The following SLC3A1 variants were observed in gnomAD, a reference collection of about 807,000 sequenced individuals.
SLC3A1 encodes solute carrier family 3 member 1, also known as amino acid transporter heavy chain SLC3A1.
Under a neutral mutation model 60.3 loss-of-function variants are expected in SLC3A1, and 78 were observed. That is an observed-to-expected ratio of 1.29 (90% CI 1.08 to 1.56). SLC3A1 has a LOEUF of 1.56. Among genes scored for constraint, SLC3A1 ranks in the 40% most tolerant of loss-of-function variants. The pLI is 0.00. For synonymous variants in SLC3A1, 392 were observed against 307.9 expected, an observed-to-expected ratio of 1.27 and a Z score of -2.86; for missense variants, 1,172 against 858.9, an observed-to-expected ratio of 1.36 and a Z score of -4.56.
intron 4 of SLC3A1, among the ~76,000 whole-genome samples, chr2:44,297,420 C>T (rs1558460642): frequency 6.6e-6 from 1 of 152,142 alleles, no homozygotes; most frequent in Non-Finnish European, 1.5e-5. Flanking sequence ...TCATGTTGTC[C>T]CATTCCCACC....
chr2:44,309,653 GC>G (rs1672245029), intron 7 of SLC3A1, among the ~76,000 whole-genome samples: 1 of 152,228 alleles, frequency 6.6e-6, no homozygotes, highest in Non-Finnish European at 1.5e-5. Context: ...AGGCTAGAGT[GC>G]AGTGGTATGA....
Position 44,300,110 on chromosome 2 carries a change from G to A in SLC3A1, c.1011+20G>A, listed in dbSNP as rs770576729. ...ATCCCGGTAAAGTTTTATTTTAAAC[G>A]TTTTTCTTTTGCCTTTTCTGAAAAT... On this transcript the variant is annotated intron_variant, in intron 5 of 9. Coordinates refer to ENST00000260649, the MANE Select transcript of SLC3A1 (RefSeq NM_000341.4). 2 of 1,612,924 alleles carry A rather than the reference G, an allele frequency of 1.2e-6. No individual in the cohort carries two copies. The highest frequency in any genetic ancestry group is 1.1e-5 in the South Asian group (1 of 91,048).
At position 44,286,105 on chromosome 2, in the gene SLC3A1, A is replaced by G; in HGVS notation, c.839A>G (p.Lys280Arg). Residue 280 changes from lysine to arginine, a missense_variant, in exon 4 of 10, where the codon AAA becomes AGA. Coordinates refer to ENST00000260649, the MANE Select transcript of SLC3A1 (RefSeq NM_000341.4). Reference sequence around the variant, plus strand: ...CAATGTTATTTTCATCAGTTTATGAAAGAGCAACCTGATTTAAATTTCCGC... The same window carrying G: ...CAATGTTATTTTCATCAGTTTATGAGAGAGCAACCTGATTTAAATTTCCGC... The part of the protein sequence containing the change: ...RNQCYFHQFM[K>R]EQPDLNFRNP... 6.2e-7 allele frequency: 1 copy of G among 1,614,082 alleles called. No homozygotes were observed.
intron 9 of SLC3A1, chr2:44,318,387 G>A: frequency 5.7e-6 from 1 of 176,502 alleles, no homozygotes; most frequent in Admixed American, 6.0e-5. Context: ...CACCTTGCCT[G>A]GCCTGCAAAA....
intron 9 of SLC3A1, chr2:44,317,717 A>G (rs1218366844): frequency 1.3e-5 from 2 of 152,444 alleles, no homozygotes; most frequent in Non-Finnish European, 2.9e-5. Context: ...AAATTTTCAA[A>G]GAATACTAGA....
chr2:44,303,391 A>G (rs1231009454), intron 6 of SLC3A1, among the ~76,000 whole-genome samples: 2 of 151,246 alleles, frequency 1.3e-5, no homozygotes, highest in African/African-American at 4.9e-5. Flanking sequence ...TTACAGGCGC[A>G]TATCACCACA....
intron 4 of SLC3A1, among the ~76,000 whole-genome samples, chr2:44,296,318 G>A (rs946942510): frequency 3.3e-5 from 5 of 152,144 alleles, no homozygotes; most frequent in Admixed American, 6.5e-5. Context: ...AAAATAATCC[G>A]GGAGACCTAG....
chr2:44,297,252 G>A (rs1001949691), intron 4 of SLC3A1, among the ~76,000 whole-genome samples: 4 of 152,204 alleles, frequency 2.6e-5, no homozygotes, highest in Non-Finnish European at 5.9e-5. Context: ...TTCCTTTGCA[G>A]AGCTTGTGAG....
At chr2:44,314,006 A>G (rs1239335502) in intron 9 of SLC3A1, 55 bp downstream of exon 9, 6 of 1,610,928 alleles carry the variant, frequency 3.7e-6, no homozygotes, top group East Asian at 4.5e-5. Flanking sequence ...ATGGGTTTCT[A>G]CTGAAAGTAC....
Position 44,308,037 on chromosome 2 carries a change from G to C in SLC3A1, c.1332+3699G>C, listed in dbSNP as rs1022893963. Among the ~76,000 whole-genome samples the C allele has an allele frequency of 3.3e-5, 5 of 152,174 alleles. No homozygotes were observed. In the South Asian group the frequency reaches 6.2e-4, roughly 19 times the overall value. On this transcript the variant is annotated intron_variant, in intron 7 of 9. Coordinates refer to ENST00000260649, the MANE Select transcript of SLC3A1 (RefSeq NM_000341.4). Reference sequence around the variant, plus strand: ...CATCTGAAATCCCAGCACTTTGGGAGGCTGAGGTGGGAGTTGAGCCCAGGA... The same window carrying C: ...CATCTGAAATCCCAGCACTTTGGGACGCTGAGGTGGGAGTTGAGCCCAGGA...
chr2:44,318,154 G>C (rs912417090), intron 9 of SLC3A1: 1 of 438,284 alleles, frequency 2.3e-6, no homozygotes, highest in Non-Finnish European at 4.6e-6. Context: ...GCAGTGGCGT[G>C]ATCTCGGCAC....
intron 9 of SLC3A1, among the ~76,000 whole-genome samples, chr2:44,317,125 C>G (rs9711933): frequency 0.026 from 3,938 of 152,182 alleles, 173 homozygotes; most frequent in African/African-American, 0.089. Flanking sequence ...TTGAGCTGTT[C>G]AGTAGCCATT....
intron 1 of SLC3A1, among the ~76,000 whole-genome samples, chr2:44,277,266 C>A (rs530668839): frequency 2.0e-5 from 3 of 151,982 alleles, no homozygotes; most frequent in East Asian, 3.9e-4. Flanking sequence ...CACCATCATG[C>A]CTGGCTAATT....
At chr2:44,319,322 C>G (rs895066564) in intron 9 of SLC3A1, 1 of 152,586 alleles carries the variant, frequency 6.6e-6, no homozygotes, top group African/African-American at 2.4e-5. Flanking sequence ...CATTATGTAT[C>G]AAGTGCCCAT....
chr2:44,275,675 G>C lies in SLC3A1; in HGVS notation c.140G>C (p.Ser47Thr). The change falls in exon 1 of 10, where the codon AGC (serine) becomes ACC (threonine). Residue 47 changes from serine (S) to threonine (T), a missense_variant. Transcript: ENST00000260649. Reference protein sequence around the residue: ...PGSSTDNLKHSTRGILGSQEP... With the variant: ...PGSSTDNLKHTTRGILGSQEP... ...AGCTCAACAGACAACCTGAAGCACAGCACCAGGGGCATCCTTGGCTCCCAG... is the reference window on the plus strand; with the variant it reads ...AGCTCAACAGACAACCTGAAGCACACCACCAGGGGCATCCTTGGCTCCCAG... 6.2e-7 allele frequency: 1 copy of C among 1,614,202 alleles called. No individual in the cohort carries two copies. The highest frequency in any genetic ancestry group is 8.5e-7 in the Non-Finnish European group (1 of 1,180,014).
intron 3 of SLC3A1, chr2:44,285,691 A>G (rs1385302091): frequency 2.0e-6 from 1 of 506,240 alleles, no homozygotes; most frequent in African/African-American, 1.9e-5. Context: ...GCTTCTCTTC[A>G]CAAACAAGAG....
chr2:44,315,408 G>A (rs1672403177), intron 9 of SLC3A1, among the ~76,000 whole-genome samples: 1 of 151,624 alleles, frequency 6.6e-6, no homozygotes, highest in South Asian at 2.1e-4. Context: ...CAGCATTTTG[G>A]GAGGCAAAAG....
intron 7 of SLC3A1, among the ~76,000 whole-genome samples, chr2:44,304,822 T>A (rs2104371202): frequency 7.3e-6 from 1 of 136,774 alleles, no homozygotes; most frequent in Middle Eastern, 3.5e-3. Flanking sequence ...AATTTTTTTT[T>A]TTTTTTTTTT....
intron 6 of SLC3A1, among the ~76,000 whole-genome samples, chr2:44,302,015 A>C (rs1370633280): frequency 6.6e-6 from 1 of 152,212 alleles, no homozygotes; most frequent in Non-Finnish European, 1.5e-5. Context: ...AGATCATGCC[A>C]CTGTGCTCCA....
Sources: gnomAD v4.1 joint callset for allele counts (sites outside exome capture counted in the v4.1 genomes callset) on GRCh38, gnomAD v4.1.1 for gene constraint, MANE v1.5 for transcripts, NCBI Gene and HGNC (gene_info 2026-07-23, HGNC 2026-07-21) for gene names.